Variants in TG observed in about 807,000 individuals in gnomAD.
TG encodes thyroglobulin.
TG carries 270 observed loss-of-function variants against 324.7 expected under a neutral mutation model. The observed-to-expected ratio is 0.83, with a 90% confidence interval of 0.75 to 0.92. The LOEUF (loss-of-function observed/expected upper bound fraction) is 0.92, where lower values mean the gene tolerates loss of function less well. Among genes scored for constraint, TG ranks in the 40% least tolerant of loss-of-function variants. TG has a pLI of 0.00. For synonymous variants in TG, 1,401 were observed against 1,327.0 expected, an observed-to-expected ratio of 1.06 and a Z score of -1.21; for missense variants, 3,591 against 3,456.4, an observed-to-expected ratio of 1.04 and a Z score of -0.98.
chr8:133,112,915 G>A (rs1333204054), intron 43 of TG, among the ~76,000 whole-genome samples: 1 of 152,156 alleles, frequency 6.6e-6, no homozygotes, highest in African/African-American at 2.4e-5. Context: ...GGGCACTGCT[G>A]GCCCTGGTGA....
At chr8:133,011,798 G>A (rs1394211674) in intron 35 of TG, 103 bp from the exon 36 acceptor site, 7 of 1,444,776 alleles carry the variant, frequency 4.8e-6, no homozygotes, top group Admixed American at 1.7e-5. Context: ...CCAAGAGGAG[G>A]ATGCCCCTAA....
chr8:133,068,162 G>A (rs1843387645), intron 41 of TG, among the ~76,000 whole-genome samples: 2 of 152,244 alleles, frequency 1.3e-5, no homozygotes, highest in Admixed American at 6.5e-5. Flanking sequence ...GAGAGGGCAA[G>A]CAATCTGCTC....
At position 132,887,977 on chromosome 8, in the gene TG, T is replaced by C. The variant is rs371263098; in HGVS notation, c.2177-7T>C. ...AACTGAAACACCTGCTCATTGTTCC[T>C]CCCCAGGCCCCACGCCCTGTCAATT... On this transcript the variant is annotated splice_region_variant and splice_polypyrimidine_tract_variant and intron_variant, in intron 9 of 47. Coordinates refer to ENST00000220616, the MANE Select transcript of TG (RefSeq NM_003235.5). 1 of 1,611,668 alleles carries C rather than the reference T, an allele frequency of 6.2e-7. No individual in the cohort carries two copies. The highest frequency in any genetic ancestry group is 8.5e-7 in the Non-Finnish European group (1 of 1,178,956).
In TG at chr8:132,888,507, T is replaced by C. The variant is rs1386111060; in HGVS notation, c.2700T>C (p.Cys900=). 3 of 1,611,312 alleles carry C rather than the reference T, an allele frequency of 1.9e-6. No homozygotes were observed. Among genetic ancestry groups the C allele is most frequent in the Admixed American group, 3.3e-5 (2 of 59,892 alleles). Residue 900 remains cysteine, a synonymous_variant, in exon 10 of 48, where the codon TGT becomes TGC. Transcript: ENST00000220616. The stretch of plus-strand genomic sequence containing the variant: ...ATTTTGATCTTCGGAACTGCTGGTG[T>C]GTGGATGAGGCTGGCCAAGAACTGG... ...LAHFDLRNCW[C]VDEAGQELEG...
chr8:132,964,320 G>T (rs371912694), intron 29 of TG, among the ~76,000 whole-genome samples: 3 of 152,028 alleles, frequency 2.0e-5, no homozygotes, highest in East Asian at 3.9e-4. Context: ...GACCTTGCGG[G>T]GAGTCAGGGT....
Position 132,873,195 on chromosome 8 carries a change from T to A in TG, c.612T>A (p.Ile204=), listed in dbSNP as rs1194738687. The change falls in exon 5 of 48, where the codon ATT becomes ATA. Residue 204 remains isoleucine (I), a synonymous_variant. Transcript: ENST00000220616. The stretch of plus-strand genomic sequence containing the variant: ...TTGTCAACACCACAGACATGATGAT[T>A]TTTGATCTGGTCCACAGCTACAACA... ...CKFVNTTDMM[I]FDLVHSYNRF... is the part of the protein sequence containing the mutation. 1.9e-6 allele frequency: 3 copies of A among 1,614,086 alleles called. No individual in the cohort carries two copies. The highest frequency in any genetic ancestry group is 2.5e-6 in the Non-Finnish European group (3 of 1,180,004).
In TG at chr8:133,107,982, C is replaced by CTT. The variant is rs377363035; in HGVS notation, c.7573-5422_7573-5421dup. On this transcript the variant is annotated intron_variant, in intron 43 of 47. Coordinates refer to ENST00000220616, the MANE Select transcript of TG (RefSeq NM_003235.5). ...CCAGTCCTTTTTCTTTTCTTTTCTTCTTTTTTTTTTTTTTTTTTTGAGACA... is the reference window on the plus strand; with the variant it reads ...CCAGTCCTTTTTCTTTTCTTTTCTTCTTTTTTTTTTTTTTTTTTTTTGAGACA... Among the ~76,000 whole-genome samples the CTT allele has an allele frequency of 4.5e-4, 61 of 134,096 alleles. 1 individual carries two copies. The highest frequency in any genetic ancestry group is 1.1e-3 in the African/African-American group (39 of 35,320). 88.0% of individuals were successfully genotyped at this position (134,096 alleles called of 152,430 possible).
At chr8:133,133,733 C>G (rs550643475) in intron 47 of TG, 73 bp downstream of exon 47, 30 of 1,534,474 alleles carry the variant, frequency 2.0e-5, no homozygotes, top group Non-Finnish European at 2.6e-5. Context: ...CTGCATGAGA[C>G]CTGTGCTGCG....
At chr8:133,048,123 A>G (rs1839800965) in intron 41 of TG, among the ~76,000 whole-genome samples, 1 of 152,250 alleles carries the variant, frequency 6.6e-6, no homozygotes, top group East Asian at 1.9e-4. Flanking sequence ...TTGCTCAGGA[A>G]ACCATGTCAG....
At position 132,923,455 on chromosome 8, in the gene TG, G is replaced by T; in HGVS notation, c.4646G>T (p.Arg1549Leu). The T allele has an allele frequency of 6.2e-7, 1 of 1,614,104 alleles. No individual in the cohort carries two copies. Among genetic ancestry groups the T allele is most frequent in the Non-Finnish European group, 8.5e-7 (1 of 1,180,024 alleles). ...GCCTTCTGTGTGGACGGCGAGGGGC[G>T]GAGGCTGCCATGGTGGGAAACAGAG... is the stretch of plus-strand genomic sequence containing the variant. Reference protein sequence around the residue: ...GKAFCVDGEGRRLPWWETEAP... With the variant: ...GKAFCVDGEGLRLPWWETEAP... The change falls in exon 22 of 48, where the codon CGG becomes CTG. Residue 1549 changes from arginine to leucine, a missense_variant. Physicochemically the swap from Arg to Leu is moderately radical, Grantham distance 102. Coordinates refer to ENST00000220616, the MANE Select transcript of TG (RefSeq NM_003235.5).
intron 41 of TG, among the ~76,000 whole-genome samples, chr8:133,039,015 T>C (rs140478775): frequency 3.2e-4 from 49 of 152,214 alleles, no homozygotes; most frequent in South Asian, 1.2e-3. Context: ...GTAGCTGGGA[T>C]TACAACCATC....
At chr8:132,920,973 G>A (rs1051129527) in intron 21 of TG, among the ~76,000 whole-genome samples, 5 of 152,230 alleles carry the variant, frequency 3.3e-5, no homozygotes, top group Admixed American at 1.3e-4. Flanking sequence ...TGAGGTCAGT[G>A]TGCCCACATG....
At position 133,099,674 on chromosome 8, in the gene TG, A is replaced by T. The variant is rs559703489; in HGVS notation, c.7572+3301A>T. 1.2e-4 allele frequency among the ~76,000 whole-genome samples: 19 copies of T among 152,270 alleles called. 1 individual carries two copies. Among genetic ancestry groups the T allele is most frequent in the South Asian group, 1.0e-3 (5 of 4,826 alleles). On this transcript the variant is annotated intron_variant, in intron 43 of 47. Coordinates refer to ENST00000220616, the MANE Select transcript of TG (RefSeq NM_003235.5). ...CTTCTGTAGTCTTCACCATCTCAGT[A>T]AACAACTCAGCAACTAAACAACTCA...
rs117828708 is a variant in TG at position 133,065,998 on chromosome 8, G to T, written c.7240-29046G>T. ...AAACAAGAGAGCGAGGCCAGTTGAG[G>T]CATGCTGTGGTCAAAAGGGCAGGAG... On this transcript the variant is annotated intron_variant, in intron 41 of 47. Coordinates refer to ENST00000220616, the MANE Select transcript of TG (RefSeq NM_003235.5). 2.9e-3 allele frequency among the ~76,000 whole-genome samples: 434 copies of T among 152,160 alleles called. 5 individuals are homozygous for T. The East Asian group carries it at 0.045, about 16-fold the overall frequency.
At chr8:133,095,728 G>A (rs1251067045) in intron 42 of TG, among the ~76,000 whole-genome samples, 1 of 152,214 alleles carries the variant, frequency 6.6e-6, no homozygotes, top group Non-Finnish European at 1.5e-5. Context: ...TAATGAAGGG[G>A]ACATTAGCAG....
intron 27 of TG, among the ~76,000 whole-genome samples, chr8:132,950,618 C>T (rs1201536133): frequency 2.6e-5 from 4 of 152,194 alleles, no homozygotes; most frequent in African/African-American, 7.2e-5. Context: ...CAGTCAGCAG[C>T]GTGCCGCAAT....
At chr8:133,040,586 G>A (rs545899784) in intron 41 of TG, among the ~76,000 whole-genome samples, 9 of 152,204 alleles carry the variant, frequency 5.9e-5, no homozygotes, top group South Asian at 2.1e-4. Flanking sequence ...TGCATACAGC[G>A]CTGATCCCCC....
intron 41 of TG, chr8:133,074,894 A>C (rs1844631596): frequency 2.0e-6 from 2 of 985,538 alleles, no homozygotes; most frequent in African/African-American, 1.7e-5. Context: ...CTGTCTGCAG[A>C]GGGATTGCTG....
At position 132,923,553 on chromosome 8, in the gene TG, G is replaced by T. The variant is rs199929480; in HGVS notation, c.4699+45G>T. On this transcript the variant is annotated intron_variant, in intron 22 of 47. Coordinates refer to ENST00000220616, the MANE Select transcript of TG (RefSeq NM_003235.5). ...TCAGTCATGGTTCCTGGGGACTGGG[G>T]AGTAGTCTCAAGGGCTTTTTAGAAA... The T allele has an allele frequency of 5.6e-6, 9 of 1,594,894 alleles. No individual in the cohort carries two copies. In the East Asian group the frequency reaches 1.6e-4, roughly 28 times the overall value.
Sources: allele counts gnomAD v4.1 joint callset (sites outside exome capture counted in the v4.1 genomes callset), GRCh38; gene constraint gnomAD v4.1.1; transcripts MANE v1.5; gene names NCBI Gene and HGNC (gene_info 2026-07-23, HGNC 2026-07-21).